Variants in A4GALT observed in about 807,000 individuals in gnomAD.
The protein encoded by A4GALT is alpha 1,4-galactosyltransferase (P1PK blood group).
For missense variants in A4GALT, 512 were observed against 486.0 expected, an observed-to-expected ratio of 1.05 and a Z score of -0.50; for synonymous variants, 257 against 220.7, an observed-to-expected ratio of 1.16 and a Z score of -1.46.
Position 42,705,443 on chromosome 22 carries a change from A to G in A4GALT, c.-187-9812T>C, listed in dbSNP as rs920056850. ...AGGGCGAAACCCTCTCTCTACTGAA[A>G]ATACAAAAAATTAGCTGGGCATGGT... On this transcript the variant is annotated intron_variant, in intron 1 of 2. Transcript: ENST00000642412. Among the ~76,000 whole-genome samples, 3 of 148,496 alleles carry G rather than the reference A, an allele frequency of 2.0e-5. No individual in the cohort carries two copies. The Admixed American group carries it at 2.0e-4, about 10-fold the overall frequency.
chr22:42,692,822 T>G lies in A4GALT; in HGVS notation c.*68A>C. 6.3e-7 allele frequency: 1 copy of G among 1,580,878 alleles called. No homozygotes were observed. The highest frequency in any genetic ancestry group is 1.7e-5 in the Admixed American group (1 of 59,652). ...CCTCCCTCTCCCGGGCCCTCAATCT[T>G]GCCTCCCCGGGAAGGGCGGCCCAGT... is the stretch of plus-strand genomic sequence containing the variant. On this transcript the variant is annotated 3_prime_UTR_variant, in exon 3 of 3. Coordinates refer to ENST00000642412, the MANE Select transcript of A4GALT (RefSeq NM_017436.7). The surrounding 1 kb of genome is among the most constrained non-coding windows in gnomAD (Gnocchi z 4.6).
At position 42,692,701 on chromosome 22, in the gene A4GALT, C is replaced by G. The variant is rs559332336; in HGVS notation, c.*189G>C. 1 of 747,134 alleles carries G rather than the reference C, an allele frequency of 1.3e-6. No homozygotes were observed. The highest frequency in any genetic ancestry group is 1.7e-5 in the African/African-American group (1 of 58,176). 46.3% of individuals were successfully genotyped at this position (747,134 alleles called of 1,614,324 possible). ...ATGGCACCATGTGTCAGCCCTGCCT[C>G]GAGACAGGACACTGTCCTCGGGGTG... On this transcript the variant is annotated 3_prime_UTR_variant, in exon 3 of 3. Transcript: ENST00000642412. The surrounding 1 kb of genome is among the most constrained non-coding windows in gnomAD (Gnocchi z 4.6).
At chr22:42,696,148 C>T (rs1195818329) in intron 1 of A4GALT, among the ~76,000 whole-genome samples, 4 of 80,614 alleles carry the variant, frequency 5.0e-5, no homozygotes, top group South Asian at 4.2e-4. Flanking sequence ...AAGCCAGGCG[C>T]GGTAGCTCAC....
Position 42,693,424 on chromosome 22 carries a change from G to T in A4GALT, c.528C>A (p.Asp176Glu). The T allele has an allele frequency of 2.5e-6, 4 of 1,613,312 alleles. No individual in the cohort carries two copies. Among genetic ancestry groups the T allele is most frequent in the East Asian group, 2.2e-5 (1 of 44,872 alleles). The change falls in exon 3 of 3, where the codon GAC (aspartate) becomes GAA (glutamate). Residue 176 changes from aspartate to glutamate, a missense_variant. By Grantham distance (45) the Asp-to-Glu change is conservative (BLOSUM62 2). Coordinates refer to ENST00000642412, the MANE Select transcript of A4GALT (RefSeq NM_017436.7). ...WEPYLLPVLS[D>E]ASRIALMWKF... is the part of the protein sequence containing the mutation. ...TCCACATGAGTGCGATCCTGGAGGC[G>T]TCGGAGAGCACGGGCAGCAGGTAGG...
chr22:42,692,486 C>CTCTGGG lies in A4GALT; in HGVS notation c.*403_*404insCCCAGA. The CTCTGGG allele has an allele frequency of 2.8e-6, 1 of 363,622 alleles. No homozygotes were observed. The highest frequency in any genetic ancestry group is 5.5e-6 in the Non-Finnish European group (1 of 183,304). 22.5% of individuals were successfully genotyped at this position (363,622 alleles called of 1,614,324 possible). A position where few individuals can be genotyped will look rare whatever the true frequency, so the allele number is the denominator to read the frequency against. ...TCCCCCAGCCCTGCCACTTTCCTACCAACAGCCTCCTCTCCTCTCTGGGAA... is the reference window on the plus strand; with the variant it reads ...TCCCCCAGCCCTGCCACTTTCCTACCTCTGGGAACAGCCTCCTCTCCTCTCTGGGAA... On this transcript the variant is annotated 3_prime_UTR_variant, in exon 3 of 3. Coordinates refer to ENST00000642412, the MANE Select transcript of A4GALT (RefSeq NM_017436.7). The surrounding 1 kb of genome is among the most constrained non-coding windows in gnomAD (Gnocchi z 4.6).
In A4GALT at chr22:42,693,187, C is replaced by T. The variant is rs755543231; in HGVS notation, c.765G>A (p.Thr255=). Residue 255 remains threonine, a synonymous_variant, in exon 3 of 3, where the codon ACG becomes ACA. Transcript: ENST00000642412. The stretch of plus-strand genomic sequence containing the variant: ...TGGAACACCACTTCTTGAAGACCCG[C>T]GTGAGCAGCTGCGGGCCCTGGTGAC... The part of the protein sequence containing the change: ...IWGHQGPQLL[T]RVFKKWCSIR... The T allele has an allele frequency of 6.9e-6, 11 of 1,599,504 alleles. No individual in the cohort carries two copies. The highest frequency in any genetic ancestry group is 6.7e-5 in the South Asian group (6 of 89,564).
At chr22:42,704,019 C>G (rs529292150) in intron 1 of A4GALT, among the ~76,000 whole-genome samples, 40 of 152,126 alleles carry the variant, frequency 2.6e-4, no homozygotes, top group Non-Finnish European at 4.0e-4. Flanking sequence ...GGAACTCAGA[C>G]CCCCCTTGAT....
chr22:42,714,768 GA>G, intron 1 of A4GALT, among the ~76,000 whole-genome samples: 1 of 151,984 alleles, frequency 6.6e-6, no homozygotes, highest in East Asian at 1.9e-4. Flanking sequence ...AAAGGAAAGA[GA>G]AAAAGAAAAG....
intron 1 of A4GALT, among the ~76,000 whole-genome samples, chr22:42,716,446 G>A (rs1240056889): frequency 6.6e-6 from 1 of 152,182 alleles, no homozygotes; most frequent in Non-Finnish European, 1.5e-5. Flanking sequence ...CTGACCATGT[G>A]CAGCCGTTGG....
chr22:42,705,355 C>T (rs1234208967), intron 1 of A4GALT, among the ~76,000 whole-genome samples: 1 of 152,108 alleles, frequency 6.6e-6, no homozygotes. Context: ...AATCTCAGCA[C>T]TTTGGGGGCC....
Position 42,693,456 on chromosome 22 carries a change from A to G in A4GALT, c.496T>C (p.Trp166Arg). ...ADWYAAVQGRWEPYLLPVLSD... is the reference protein window; with the variant it reads ...ADWYAAVQGRREPYLLPVLSD... ...AGCACGGGCAGCAGGTAGGGCTCCCAGCGCCCCTGCACGGCCGCGTACCAG... is the reference window on the plus strand; with the variant it reads ...AGCACGGGCAGCAGGTAGGGCTCCCGGCGCCCCTGCACGGCCGCGTACCAG... Residue 166 changes from tryptophan to arginine, a missense_variant, in exon 3 of 3, where the codon TGG becomes CGG. Coordinates refer to ENST00000642412, the MANE Select transcript of A4GALT (RefSeq NM_017436.7). 6.2e-7 allele frequency: 1 copy of G among 1,613,198 alleles called. No homozygotes were observed. Among genetic ancestry groups the G allele is most frequent in the Non-Finnish European group, 8.5e-7 (1 of 1,179,982 alleles).
At chr22:42,701,997 A>G (rs1830651505) in intron 1 of A4GALT, among the ~76,000 whole-genome samples, 1 of 152,172 alleles carries the variant, frequency 6.6e-6, no homozygotes, top group Non-Finnish European at 1.5e-5. Flanking sequence ...CAATCGACCA[A>G]TGAATGTCTC....
chr22:42,694,740 C>A (rs1930799979), intron 2 of A4GALT: 2 of 152,344 alleles, frequency 1.3e-5, no homozygotes, highest in South Asian at 4.1e-4. Flanking sequence ...GCTGTGTGAC[C>A]TGGGGCAAGT....
Position 42,693,516 on chromosome 22 carries a change from G to C in A4GALT, c.436C>G (p.Leu146Val), listed in dbSNP as rs778860281. The C allele has an allele frequency of 6.2e-6, 10 of 1,613,272 alleles. No homozygotes were observed. In the South Asian group the frequency reaches 8.8e-5, roughly 14 times the overall value. The part of the protein sequence containing the change: ...FPNVQMLPLD[L>V]RELFRDTPLA... ...GGTGTGTCCCGGAACAGCTCCCGCA[G>C]GTCCAGCGGGAGCATCTGGACATTC... Residue 146 changes from leucine to valine, a missense_variant, in exon 3 of 3, where the codon CTG becomes GTG. Transcript: ENST00000642412.
chr22:42,712,954 C>T (rs992956265), intron 1 of A4GALT, among the ~76,000 whole-genome samples: 5 of 152,236 alleles, frequency 3.3e-5, no homozygotes, highest in South Asian at 4.1e-4. Context: ...ATTCTCCCCC[C>T]GCTCCCCCAG....
In A4GALT at chr22:42,706,354, C is replaced by CAAAAAAAAAA. The variant is rs1164664187; in HGVS notation, c.-187-10733_-187-10724dup. Among the ~76,000 whole-genome samples the CAAAAAAAAAA allele has an allele frequency of 3.6e-5, 3 of 83,816 alleles. 1 individual carries two copies. Among genetic ancestry groups the CAAAAAAAAAA allele is most frequent in the African/African-American group, 1.5e-4 (3 of 20,214 alleles). 55.0% of individuals were successfully genotyped at this position (83,816 alleles called of 152,430 possible). The stretch of plus-strand genomic sequence containing the variant: ...TGGGTGACAGAGCGAGACTCCATCC[C>CAAAAAAAAAA]AAAAAAAAAAAAAAAAAAAAAAAGT... On this transcript the variant is annotated intron_variant, in intron 1 of 2. Transcript: ENST00000642412.
At chr22:42,698,980 G>A (rs1160952182) in intron 1 of A4GALT, among the ~76,000 whole-genome samples, 1 of 152,152 alleles carries the variant, frequency 6.6e-6, no homozygotes, top group African/African-American at 2.4e-5. Flanking sequence ...AAAAGGGGAG[G>A]CATGAATAAT....
At chr22:42,715,804 C>T (rs1379786708) in intron 1 of A4GALT, among the ~76,000 whole-genome samples, 1 of 151,702 alleles carries the variant, frequency 6.6e-6, no homozygotes, top group Non-Finnish European at 1.5e-5. Context: ...AGGTGTGAGC[C>T]ACCACACCTG....
intron 1 of A4GALT, among the ~76,000 whole-genome samples, chr22:42,703,256 T>TTTG (rs1304157501): frequency 7.2e-4 from 79 of 110,108 alleles, no homozygotes; most frequent in African/African-American, 3.0e-3. Context: ...TTTGTTTGTT[T>TTTG]TTGTTTTTTT....
Sources: gnomAD v4.1 joint callset for allele counts (sites outside exome capture counted in the v4.1 genomes callset) on GRCh38, gnomAD v4.1.1 for gene constraint, Gnocchi (gnomAD v3.1) non-coding constraint, MANE v1.5 for transcripts, NCBI Gene and HGNC (gene_info 2026-07-23, HGNC 2026-07-21) for gene names.